The following CELF2 variants were observed in gnomAD, a reference collection of about 807,000 sequenced individuals.
The protein encoded by CELF2 is CUG triplet repeat RNA-binding protein 2.
Under a neutral mutation model 62.6 loss-of-function variants are expected in CELF2, and 8 were observed. That is an observed-to-expected ratio of 0.13 (90% CI 0.07 to 0.23). CELF2 has a LOEUF of 0.23. CELF2 is among the 10% of genes least tolerant of loss of function. CELF2 has a pLI of 1.00. For synonymous variants in CELF2, 258 were observed against 250.0 expected (o/e 1.03, Z -0.30); for missense variants, 333 against 671.0 (o/e 0.50, Z 5.56).
chr10:10,493,450 C>CA, the CELF2 span, among the ~76,000 whole-genome samples: 206 of 146,844 alleles, frequency 1.4e-3, no homozygotes, highest in South Asian at 6.7e-3. Context: ...TATACTTTAC[C>CA]AAAAAAAAAT....
intron 3 of CELF2, among the ~76,000 whole-genome samples, chr10:11,241,709 G>A (rs2073953945): frequency 6.6e-6 from 1 of 152,012 alleles, no homozygotes; most frequent in South Asian, 2.1e-4. Flanking sequence ...CTGCTATCAG[G>A]AGCATAATAG....
chr10:10,924,516 T>G (rs891821184), intron 2 of CELF2, among the ~76,000 whole-genome samples: 1 of 152,088 alleles, frequency 6.6e-6, no homozygotes, highest in African/African-American at 2.4e-5. Context: ...ATATGTTGAT[T>G]CTTAAACACA....
At chr10:10,910,699 CAAAAA>C (rs55954207) in intron 1 of CELF2, among the ~76,000 whole-genome samples, 4 of 92,220 alleles carry the variant, frequency 4.3e-5, no homozygotes, top group East Asian at 6.7e-4. Context: ...GACTCTGCCT[CAAAAA>C]AAAAAAAAAA....
At chr10:10,493,821 C>T in the CELF2 span, among the ~76,000 whole-genome samples, 2 of 152,080 alleles carry the variant, frequency 1.3e-5, no homozygotes, top group Non-Finnish European at 2.9e-5. Flanking sequence ...CCTGAGCCAC[C>T]GTGCCCAGCT....
chr10:10,532,287 C>A, the CELF2 span, among the ~76,000 whole-genome samples: 9 of 152,230 alleles, frequency 5.9e-5, no homozygotes, highest in Non-Finnish European at 1.0e-4. Flanking sequence ...AAAATTTAAG[C>A]CACACATCTG....
At chr10:11,105,033 G>C (rs1164424807) in intron 1 of CELF2, among the ~76,000 whole-genome samples, 1 of 152,234 alleles carries the variant, frequency 6.6e-6, no homozygotes, top group Non-Finnish European at 1.5e-5. Context: ...GTTTGGCCAA[G>C]CATCTTTTTT....
At position 11,321,146 on chromosome 10, in the gene CELF2, A is replaced by G. The variant is rs1035568954; in HGVS notation, c.1097-43A>G. 1.9e-6 allele frequency: 3 copies of G among 1,594,856 alleles called. No homozygotes were observed. Among genetic ancestry groups the G allele is most frequent in the Admixed American group, 1.7e-5 (1 of 59,936 alleles). On this transcript the variant is annotated intron_variant, in intron 10 of 12. Transcript: ENST00000633077. The surrounding 1 kb of genome is among the most constrained non-coding windows in gnomAD (Gnocchi z 6.2). ...AACTTCCTTTGGAAAGCACTAATGAATAAGTGCTGTTTCTCTTCTCTATTG... is the reference window on the plus strand; with the variant it reads ...AACTTCCTTTGGAAAGCACTAATGAGTAAGTGCTGTTTCTCTTCTCTATTG...
At chr10:10,691,156 C>A in the CELF2 span, among the ~76,000 whole-genome samples, 1 of 149,140 alleles carries the variant, frequency 6.7e-6, no homozygotes, top group Non-Finnish European at 1.5e-5. Context: ...TCCCTCCCCT[C>A]TCCCCCCACC....
At chr10:11,106,171 T>A (rs2053402059) in intron 1 of CELF2, among the ~76,000 whole-genome samples, 1 of 151,836 alleles carries the variant, frequency 6.6e-6, no homozygotes, top group Admixed American at 6.5e-5. Flanking sequence ...AACCCAGAAC[T>A]TGGTCATCTT....
intron 1 of CELF2, among the ~76,000 whole-genome samples, chr10:11,050,359 A>G (rs1002794771): frequency 2.0e-5 from 3 of 152,334 alleles, no homozygotes; most frequent in East Asian, 1.9e-4. Context: ...TTGTCTGGAC[A>G]TTATTTGGGC....
At chr10:10,879,495 A>G (rs2061319123) in intron 1 of CELF2, among the ~76,000 whole-genome samples, 1 of 152,214 alleles carries the variant, frequency 6.6e-6, no homozygotes, top group Non-Finnish European at 1.5e-5. Context: ...AGATTCTCAG[A>G]ATTACAAATA....
At chr10:10,816,210 G>A (rs2056452073) in intron 1 of CELF2, among the ~76,000 whole-genome samples, 3 of 152,140 alleles carry the variant, frequency 2.0e-5, no homozygotes, top group Admixed American at 6.5e-5. Flanking sequence ...AAATAAGCCA[G>A]TCCTGGAAAG....
At chr10:10,869,601 A>G (rs1256507150) in intron 1 of CELF2, among the ~76,000 whole-genome samples, 1 of 152,118 alleles carries the variant, frequency 6.6e-6, no homozygotes, top group African/African-American at 2.4e-5. Context: ...TGTCCTGCAT[A>G]TATATTTTAG....
At chr10:10,710,750 A>G in the CELF2 span, among the ~76,000 whole-genome samples, 18 of 152,248 alleles carry the variant, frequency 1.2e-4, no homozygotes, top group Admixed American at 1.1e-3. Flanking sequence ...ACTAAAATGC[A>G]TTAATGGAAT....
the CELF2 span, among the ~76,000 whole-genome samples, chr10:10,691,112 C>T: frequency 2.6e-5 from 4 of 151,946 alleles, no homozygotes; most frequent in South Asian, 2.1e-4. Flanking sequence ...CCCACTAACT[C>T]GTCATCTAGC....
At chr10:11,226,536 A>T (rs1180217682) in intron 3 of CELF2, among the ~76,000 whole-genome samples, 1 of 152,188 alleles carries the variant, frequency 6.6e-6, no homozygotes, top group South Asian at 2.1e-4. Context: ...GCTGTGTCAG[A>T]TGGCATGGAC....
the CELF2 span, among the ~76,000 whole-genome samples, chr10:10,753,037 T>G: frequency 6.5e-4 from 99 of 152,164 alleles, no homozygotes; most frequent in Non-Finnish European, 2.9e-5. Context: ...AAATCTACGT[T>G]GTGGGTTGCA....
In CELF2 at chr10:10,996,236, T is replaced by G. The variant is rs187791154; in HGVS notation, c.89+76237T>G. Among the ~76,000 whole-genome samples the G allele has an allele frequency of 6.6e-5, 10 of 152,364 alleles. No homozygotes were observed. The East Asian group carries it at 1.9e-3, about 29-fold the overall frequency. On this transcript the variant is annotated intron_variant, in intron 2 of 13. Coordinates refer to the CELF2 transcript ENST00000636488. ...ATAAGAGCTTGTTCTGCACCTTTGC[T>G]TGTCTGTTCAGAAAGCTGGGTGCAG...
At chr10:11,080,636 T>A (rs945292141) in intron 1 of CELF2, among the ~76,000 whole-genome samples, 1 of 152,268 alleles carries the variant, frequency 6.6e-6, no homozygotes, top group Non-Finnish European at 1.5e-5. Context: ...TGTGAGAAGA[T>A]AATTGGTGCA....
Sources: gnomAD v4.1 joint callset for allele counts (sites outside exome capture counted in the v4.1 genomes callset) on GRCh38, gnomAD v4.1.1 for gene constraint, Gnocchi (gnomAD v3.1) non-coding constraint, MANE v1.5 for transcripts, NCBI Gene and HGNC (gene_info 2026-07-23, HGNC 2026-07-21) for gene names.